ADAMTS19: variants seen among roughly 807,000 people sequenced by gnomAD.
The protein encoded by ADAMTS19 is A disintegrin and metalloproteinase with thrombospondin motifs 19.
A neutral mutation model predicts 153.3 loss-of-function variants in ADAMTS19; 93 were observed. The observed-to-expected ratio is 0.61, with a 90% CI of 0.51 to 0.72. The LOEUF (loss-of-function observed/expected upper bound fraction) is 0.72, where lower values mean the gene tolerates loss of function less well. Among genes scored for constraint, ADAMTS19 ranks in the 30% least tolerant of loss-of-function variants. The pLI is 0.00. For synonymous variants in ADAMTS19, 600 were observed against 556.6 expected, an observed-to-expected ratio of 1.08 and a Z score of -1.10; for missense variants, 1,482 against 1,552.1, an observed-to-expected ratio of 0.95 and a Z score of 0.76.
intron 2 of ADAMTS19, among the ~76,000 whole-genome samples, chr5:129,469,766 G>A (rs1034963518): frequency 1.3e-5 from 2 of 152,250 alleles, no homozygotes; most frequent in Admixed American, 6.5e-5. Flanking sequence ...TCCTTTTAGA[G>A]TTCATCACAG....
intron 6 of ADAMTS19, among the ~76,000 whole-genome samples, chr5:129,547,400 A>G (rs1196867439): frequency 1.3e-5 from 2 of 150,838 alleles, no homozygotes; most frequent in Non-Finnish European, 2.9e-5. Flanking sequence ...ACTGTAAGTT[A>G]AAGTTTTGTG....
intron 3 of ADAMTS19, among the ~76,000 whole-genome samples, chr5:129,523,294 T>C (rs918196034): frequency 2.0e-5 from 3 of 152,138 alleles, no homozygotes; most frequent in Non-Finnish European, 4.4e-5. Flanking sequence ...AAAACACAGT[T>C]AGAGACATAC....
rs2112864289 is a variant in ADAMTS19, at chr5:129,461,805, T to C, written c.747+48T>C. 6.8e-7 allele frequency: 1 copy of C among 1,470,520 alleles called. No homozygotes were observed. 91.1% of individuals were successfully genotyped at this position (1,470,520 alleles called of 1,614,324 possible). On this transcript the variant is annotated intron_variant, in intron 2 of 22. Coordinates refer to ENST00000274487, the MANE Select transcript of ADAMTS19 (RefSeq NM_133638.6). The surrounding 1 kb of genome is among the most constrained non-coding windows in gnomAD (Gnocchi z 4.6). ...TCTCCATTTTCCCCTGCTGCTCCTCTCCTTGCCCATAGGTCAGGATGATTT... is the reference window on the plus strand; with the variant it reads ...TCTCCATTTTCCCCTGCTGCTCCTCCCCTTGCCCATAGGTCAGGATGATTT...
chr5:129,608,116 G>GTGTATA lies in ADAMTS19; in HGVS notation c.1478+11453_1478+11454insGTATAT, dbSNP rs377008786. 6.7e-3 allele frequency among the ~76,000 whole-genome samples: 322 copies of GTGTATA among 47,944 alleles called. 5 individuals carry two copies. The highest frequency in any genetic ancestry group is 0.044 in the East Asian group (76 of 1,728). The allele number at this position is 47,944 out of a possible 152,430, so 31.5% of individuals were successfully genotyped here. ...TGTGTGTGTGTGTGTGTGTGTGTGTGTATATATATATATATATATATATAA... is the reference window on the plus strand; with the variant it reads ...TGTGTGTGTGTGTGTGTGTGTGTGTGTGTATATATATATATATATATATATATATAA... On this transcript the variant is annotated intron_variant, in intron 8 of 22. Coordinates refer to ENST00000274487, the MANE Select transcript of ADAMTS19 (RefSeq NM_133638.6).
At chr5:129,731,343 A>G (rs1437006163) in intron 21 of ADAMTS19, among the ~76,000 whole-genome samples, 1 of 152,112 alleles carries the variant, frequency 6.6e-6, no homozygotes, top group East Asian at 1.9e-4. Flanking sequence ...TAGAAATTGC[A>G]TGGAAATGAT....
At chr5:129,624,175 T>C (rs1035317056) in intron 10 of ADAMTS19, among the ~76,000 whole-genome samples, 2 of 148,286 alleles carry the variant, frequency 1.3e-5, no homozygotes, top group Non-Finnish European at 3.0e-5. Flanking sequence ...CTATGGAGCT[T>C]GAAAGGAAAT....
intron 21 of ADAMTS19, among the ~76,000 whole-genome samples, chr5:129,706,579 A>T (rs1756166530): frequency 6.6e-6 from 1 of 151,766 alleles, no homozygotes; most frequent in Non-Finnish European, 1.5e-5. Flanking sequence ...AAAAAAAAAA[A>T]TGAAAAACTT....
At chr5:129,618,991 G>A (rs1226149181) in intron 8 of ADAMTS19, among the ~76,000 whole-genome samples, 1 of 152,030 alleles carries the variant, frequency 6.6e-6, no homozygotes, top group East Asian at 1.9e-4. Flanking sequence ...AATTTATAAT[G>A]CAGTATAGAA....
At chr5:129,687,754 T>C (rs1028157917) in intron 18 of ADAMTS19, among the ~76,000 whole-genome samples, 1 of 152,182 alleles carries the variant, frequency 6.6e-6, no homozygotes, top group African/African-American at 2.4e-5. Context: ...ACTGCCTTCA[T>C]GAATGGCTCA....
chr5:129,543,615 A>G (rs1024512146), intron 6 of ADAMTS19, among the ~76,000 whole-genome samples: 15 of 152,294 alleles, frequency 9.8e-5, no homozygotes, highest in African/African-American at 2.9e-4. Flanking sequence ...TGGATGCATT[A>G]TAAAGGCAAA....
chr5:129,467,107 T>C (rs1018946222), intron 2 of ADAMTS19, among the ~76,000 whole-genome samples: 1 of 152,208 alleles, frequency 6.6e-6, no homozygotes, highest in Non-Finnish European at 1.5e-5. Context: ...AATTACAGAA[T>C]GTTGTACCTA....
chr5:129,501,328 C>G (rs1437157436), intron 2 of ADAMTS19, among the ~76,000 whole-genome samples: 1 of 152,126 alleles, frequency 6.6e-6, no homozygotes, highest in African/African-American at 2.4e-5. Context: ...ACTTAGAAAG[C>G]CAGTGTGCCT....
chr5:129,624,326 A>G (rs1283331148), intron 10 of ADAMTS19, among the ~76,000 whole-genome samples: 1 of 151,940 alleles, frequency 6.6e-6, no homozygotes, highest in African/African-American at 2.4e-5. Context: ...GACCTCATCT[A>G]CTAACCTCCA....
chr5:129,702,929 C>CAAAAAAAAA (rs376208133), intron 20 of ADAMTS19, among the ~76,000 whole-genome samples: 29 of 44,278 alleles, frequency 6.5e-4, no homozygotes, highest in African/African-American at 2.4e-3. Context: ...TTTGACTTGC[C>CAAAAAAAAA]AAAAAAAAAA....
chr5:129,551,364 A>T (rs1753087197), intron 6 of ADAMTS19, among the ~76,000 whole-genome samples: 1 of 151,734 alleles, frequency 6.6e-6, no homozygotes, highest in Non-Finnish European at 1.5e-5. Context: ...TATGTAAAAT[A>T]ATAATTTCCT....
chr5:129,523,636 G>T (rs137995613), intron 3 of ADAMTS19, among the ~76,000 whole-genome samples: 70 of 152,240 alleles, frequency 4.6e-4, no homozygotes, highest in Non-Finnish European at 9.3e-4. Flanking sequence ...GAAGCACCAT[G>T]TGCATACAGG....
chr5:129,644,617 A>T (rs30684), intron 11 of ADAMTS19, among the ~76,000 whole-genome samples: 63,592 of 151,866 alleles, frequency 0.42, 14,784 homozygotes, highest in African/African-American at 0.63. Context: ...TCTTTTTATA[A>T]TTTTTATATA....
chr5:129,499,698 C>T (rs1438219346), intron 2 of ADAMTS19, among the ~76,000 whole-genome samples: 1 of 152,038 alleles, frequency 6.6e-6, no homozygotes, highest in African/African-American at 2.4e-5. Flanking sequence ...AATTTGTAAG[C>T]AGTGTCCAAG....
chr5:129,551,976 G>A lies in ADAMTS19; in HGVS notation c.1372+69G>A, dbSNP rs963541819. 7.1e-6 allele frequency: 7 copies of A among 981,774 alleles called. No homozygotes were observed. In the East Asian group the frequency reaches 8.4e-5, roughly 12 times the overall value. 60.8% of individuals were successfully genotyped at this position (981,774 alleles called of 1,614,324 possible). A position where few individuals can be genotyped will look rare whatever the true frequency, so the allele number is the denominator to read the frequency against. On this transcript the variant is annotated intron_variant, in intron 7 of 22. Transcript: ENST00000274487. ...GAACATATCACTTGTTTAAGTATAGGAAATTATTTGTGTTCTGGTTATAAA... is the reference window on the plus strand; with the variant it reads ...GAACATATCACTTGTTTAAGTATAGAAAATTATTTGTGTTCTGGTTATAAA...
Sources: gnomAD v4.1 joint callset for allele counts (sites outside exome capture counted in the v4.1 genomes callset) on GRCh38, gnomAD v4.1.1 for gene constraint, Gnocchi (gnomAD v3.1) non-coding constraint, MANE v1.5 for transcripts, NCBI Gene and HGNC (gene_info 2026-07-23, HGNC 2026-07-21) for gene names.